IGFBP7: variants seen among roughly 807,000 people sequenced by gnomAD.
IGFBP7 encodes insulin-like growth factor-binding protein 7.
Under a neutral mutation model 29.4 loss-of-function variants are expected in IGFBP7, and 31 were observed. That is an observed-to-expected ratio of 1.05 (90% CI 0.79 to 1.42). The LOEUF is 1.42. Among genes scored for constraint, IGFBP7 ranks in the 40% most tolerant of loss-of-function variants. The pLI, the probability that IGFBP7 is intolerant of heterozygous loss-of-function variation, is 0.00. For missense variants in IGFBP7, 393 were observed against 395.5 expected, an observed-to-expected ratio of 0.99 and a Z score of 0.05; for synonymous variants, 172 against 174.9, an observed-to-expected ratio of 0.98 and a Z score of 0.13.
At chr4:57,085,128 T>G (rs1725467311) in intron 1 of IGFBP7, among the ~76,000 whole-genome samples, 1 of 152,130 alleles carries the variant, frequency 6.6e-6, no homozygotes, top group African/African-American at 2.4e-5. Context: ...CAGTATTGTT[T>G]TCACTAGAAT....
At chr4:57,088,164 C>G (rs1344395883) in intron 1 of IGFBP7, among the ~76,000 whole-genome samples, 1 of 151,772 alleles carries the variant, frequency 6.6e-6, no homozygotes, top group African/African-American at 2.4e-5. Flanking sequence ...TTTGTGGAGA[C>G]AGGGTCTCAC....
intron 1 of IGFBP7, among the ~76,000 whole-genome samples, chr4:57,075,886 G>T (rs959233704): frequency 6.6e-6 from 1 of 152,114 alleles, no homozygotes; most frequent in Admixed American, 6.5e-5. Context: ...TTGGAACATG[G>T]ATCTGTTATA....
At chr4:57,095,614 T>C (rs1725742032) in intron 1 of IGFBP7, among the ~76,000 whole-genome samples, 1 of 152,184 alleles carries the variant, frequency 6.6e-6, no homozygotes, top group East Asian at 1.9e-4. Context: ...GTTAAGTAGA[T>C]TTCTCAAGGC....
chr4:57,077,505 T>C (rs1403516864), intron 1 of IGFBP7, among the ~76,000 whole-genome samples: 2 of 152,206 alleles, frequency 1.3e-5, no homozygotes, highest in Non-Finnish European at 2.9e-5. Flanking sequence ...CTCAAACTCC[T>C]GACTTCAAGT....
At chr4:57,087,748 C>T (rs1725531605) in intron 1 of IGFBP7, among the ~76,000 whole-genome samples, 1 of 152,192 alleles carries the variant, frequency 6.6e-6, no homozygotes, top group Admixed American at 6.5e-5. Context: ...TCGTTTATTT[C>T]CATAACCCTA....
At chr4:57,072,806 A>G (rs1184855604) in intron 1 of IGFBP7, 1 of 557,430 alleles carries the variant, frequency 1.8e-6, no homozygotes, top group African/African-American at 1.9e-5. Flanking sequence ...AGCAGCTGGC[A>G]CAGCATATGA....
At chr4:57,094,794 A>T (rs1050372857) in intron 1 of IGFBP7, among the ~76,000 whole-genome samples, 2 of 152,190 alleles carry the variant, frequency 1.3e-5, no homozygotes, top group African/African-American at 4.8e-5. Flanking sequence ...AACACTGTCA[A>T]TCCTCACTAT....
At chr4:57,105,241 T>G (rs1725994193) in intron 1 of IGFBP7, among the ~76,000 whole-genome samples, 1 of 152,188 alleles carries the variant, frequency 6.6e-6, no homozygotes, top group Non-Finnish European at 1.5e-5. Context: ...AACCTATTTC[T>G]CCGATGTACA....
chr4:57,110,150 C>T lies in IGFBP7; in HGVS notation c.202G>A (p.Gly68Ser), dbSNP rs1425183278. 3.3e-5 allele frequency: 48 copies of T among 1,472,524 alleles called. No individual in the cohort carries two copies. The highest frequency in any genetic ancestry group is 3.9e-5 in the Non-Finnish European group (44 of 1,120,050). The allele number at this position is 1,472,524 out of a possible 1,614,324, so 91.2% of individuals were successfully genotyped here. ...GCCPMCARGE[G>S]EPCGGGGAGR... Reference sequence around the variant, plus strand: ...GCGCCGCCACCCCCGCACGGCTCGCCCTCGCCGCGGGCGCACATAGGGCAG... The same window carrying T: ...GCGCCGCCACCCCCGCACGGCTCGCTCTCGCCGCGGGCGCACATAGGGCAG... Residue 68 changes from glycine (G) to serine (S), a missense_variant, in exon 1 of 5, where the codon GGC becomes AGC. Physicochemically the swap from Gly to Ser is moderately conservative, Grantham distance 56. Coordinates refer to ENST00000295666, the MANE Select transcript of IGFBP7 (RefSeq NM_001553.3).
intron 3 of IGFBP7, 64 bp downstream of exon 3, chr4:57,033,131 C>A: frequency 1.7e-6 from 2 of 1,151,818 alleles, no homozygotes; most frequent in Non-Finnish European, 2.6e-6. Flanking sequence ...GGCACCTTTG[C>A]CAGGTCTGCT....
chr4:57,089,577 T>C (rs1448437111), intron 1 of IGFBP7, among the ~76,000 whole-genome samples: 1 of 152,228 alleles, frequency 6.6e-6, no homozygotes, highest in Non-Finnish European at 1.5e-5. Context: ...ATGGGGTCTG[T>C]GGTCTCTAAA....
At chr4:57,041,116 G>T (rs957120545) in intron 1 of IGFBP7, among the ~76,000 whole-genome samples, 183 bp from the exon 2 acceptor site, 1 of 152,204 alleles carries the variant, frequency 6.6e-6, no homozygotes, top group African/African-American at 2.4e-5. Flanking sequence ...TCCACTTTGG[G>T]AATGCATAAA....
chr4:57,053,388 C>A (rs1724562569), intron 1 of IGFBP7, among the ~76,000 whole-genome samples: 1 of 152,122 alleles, frequency 6.6e-6, no homozygotes, highest in African/African-American at 2.4e-5. Context: ...GGGGTACTGA[C>A]AAAGAGTCTG....
chr4:57,032,329 C>A, intron 4 of IGFBP7, 97 bp downstream of exon 4: 1 of 1,519,106 alleles, frequency 6.6e-7, no homozygotes, highest in Non-Finnish European at 8.8e-7. Flanking sequence ...TACAGAATTT[C>A]ATCAATAGCT....
intron 1 of IGFBP7, among the ~76,000 whole-genome samples, chr4:57,074,888 C>T (rs1016724390): frequency 1.2e-4 from 18 of 152,234 alleles, no homozygotes; most frequent in African/African-American, 4.3e-4. Flanking sequence ...TAGGCACCCT[C>T]AGGGTGGAGT....
chr4:57,060,466 T>C (rs1243858617), intron 1 of IGFBP7, among the ~76,000 whole-genome samples: 1 of 152,342 alleles, frequency 6.6e-6, no homozygotes, highest in East Asian at 1.9e-4. Flanking sequence ...GTGCACGCTT[T>C]GATCCCTCAA....
At position 57,110,290 on chromosome 4, in the gene IGFBP7, A is replaced by G; in HGVS notation, c.62T>C (p.Leu21Pro). The change falls in exon 1 of 5, where the codon CTG (leucine) becomes CCG (proline). Residue 21 changes from leucine (L) to proline (P), a missense_variant. Transcript: ENST00000295666. Reference protein sequence around the residue: ...LGAAGLLLLLLPLSSSSSSDT... With the variant: ...LGAAGLLLLLPPLSSSSSSDT... The stretch of plus-strand genomic sequence containing the variant: ...CGAAGAGGAGGAAGAGGAGAGGGGC[A>G]GGAGCAGGAGCAGCAGCCCAGCGGC... The G allele has an allele frequency of 7.0e-7, 1 of 1,425,502 alleles. No individual in the cohort carries two copies. The highest frequency in any genetic ancestry group is 9.2e-7 in the Non-Finnish European group (1 of 1,089,942). The allele number at this position is 1,425,502 out of a possible 1,614,324, so 88.3% of individuals were successfully genotyped here.
chr4:57,050,224 A>C (rs569084541), intron 1 of IGFBP7, among the ~76,000 whole-genome samples: 1 of 147,312 alleles, frequency 6.8e-6, no homozygotes, highest in East Asian at 2.0e-4. Flanking sequence ...CTCACTGAAC[A>C]TTTATTTTAT....
chr4:57,038,989 C>T (rs1317782003), intron 2 of IGFBP7, among the ~76,000 whole-genome samples: 1 of 149,102 alleles, frequency 6.7e-6, no homozygotes, highest in Admixed American at 6.7e-5. Context: ...TCACTTGAAC[C>T]CGGGAGGCGA....
Sources: gnomAD v4.1 joint callset for allele counts (sites outside exome capture counted in the v4.1 genomes callset) on GRCh38, gnomAD v4.1.1 for gene constraint, MANE v1.5 for transcripts, NCBI Gene and HGNC (gene_info 2026-07-23, HGNC 2026-07-21) for gene names.